Variants in TARDBP observed in about 807,000 individuals in gnomAD.
TARDBP encodes the protein TAR DNA binding protein.
Under a neutral mutation model 38.3 loss-of-function variants are expected in TARDBP, and 4 were observed. The observed-to-expected ratio is 0.10, with a 90% confidence interval of 0.05 to 0.24. The LOEUF (loss-of-function observed/expected upper bound fraction) is 0.24, where lower values mean the gene tolerates loss of function less well. Ranked by LOEUF, TARDBP falls within the 10% of genes least tolerant of loss-of-function variation. TARDBP has a pLI of 1.00. For missense variants in TARDBP, 202 were observed against 521.9 expected (o/e 0.39, Z 5.97); for synonymous variants, 184 against 183.8 (o/e 1.00, Z -0.01).
At chr1:11,017,443 C>T (rs1386958519) in intron 3 of TARDBP, among the ~76,000 whole-genome samples, 1 of 152,124 alleles carries the variant, frequency 6.6e-6, no homozygotes, top group African/African-American at 2.4e-5. Flanking sequence ...TCAAGTGATC[C>T]ACCTGCCTTG....
At chr1:11,016,543 G>C (rs557013652) in intron 2 of TARDBP, among the ~76,000 whole-genome samples, 1 of 152,324 alleles carries the variant, frequency 6.6e-6, no homozygotes, top group South Asian at 2.1e-4. Context: ...GATATTTAAA[G>C]TCAAAGTGAA....
downstream of TARDBP, among the ~76,000 whole-genome samples, chr1:11,028,814 T>C (rs1453924677): frequency 6.9e-6 from 1 of 145,092 alleles, no homozygotes. Context: ...CCCAGGTTCA[T>C]GCCATTCTCC....
chr1:11,027,913 A>G (rs1183741722), downstream of TARDBP, among the ~76,000 whole-genome samples: 1 of 152,200 alleles, frequency 6.6e-6, no homozygotes, highest in Non-Finnish European at 1.5e-5. Flanking sequence ...TTTTGCTAAA[A>G]TAATTTGGTC....
At chr1:11,016,735 A>C in intron 2 of TARDBP, 109 bp from the exon 3 acceptor site, 1 of 1,178,454 alleles carries the variant, frequency 8.5e-7, no homozygotes, top group Non-Finnish European at 1.2e-6. Context: ...TCAGTGTCTT[A>C]TTCTTCTTAG....
Position 11,018,881 on chromosome 1 carries a change from C to G in TARDBP, c.543+8C>G, listed in dbSNP as rs767985682. 4.3e-6 allele frequency: 7 copies of G among 1,613,838 alleles called. No homozygotes were observed. Among genetic ancestry groups the G allele is most frequent in the African/African-American group, 1.3e-5 (1 of 74,904 alleles). On this transcript the variant is annotated splice_region_variant and intron_variant, in intron 4 of 5. Transcript: ENST00000240185. ...AAACTTCCTAATTCTAAGGTACTTG[C>G]GTCTGTGCTTTGGGAATTTTTGCCA...
chr1:11,015,565 G>C (rs1183662310), intron 2 of TARDBP: 1 of 151,540 alleles, frequency 6.6e-6, no homozygotes, highest in African/African-American at 2.4e-5. Flanking sequence ...AGCTACTCGG[G>C]AGGCTGAGGC....
downstream of TARDBP, chr1:11,025,841 C>T (rs760075712): frequency 6.5e-6 from 1 of 154,730 alleles, no homozygotes; most frequent in African/African-American, 2.4e-5. Flanking sequence ...CTCCGTAATC[C>T]AAGAGATAAT....
chr1:11,019,866 CTTTTT>C (rs1288372949), intron 4 of TARDBP, among the ~76,000 whole-genome samples: 1 of 131,312 alleles, frequency 7.6e-6, no homozygotes, highest in Non-Finnish European at 1.6e-5. Context: ...GCACCTGGCC[CTTTTT>C]TTTTTTTTTT....
chr1:11,028,046 A>T (rs929906242), downstream of TARDBP, among the ~76,000 whole-genome samples: 2 of 152,062 alleles, frequency 1.3e-5, no homozygotes, highest in Non-Finnish European at 2.9e-5. Flanking sequence ...ACATGGTGAG[A>T]CCCTGTCTCT....
chr1:11,024,191 G>C lies in TARDBP; in HGVS notation c.*1537G>C, dbSNP rs1643689222. ...AAACTTATTTGAAAAGTTGTCTCAA[G>C]TCAAATGGATTCATCACCTGTCATG... On this transcript the variant is annotated 3_prime_UTR_variant, in exon 6 of 6. Coordinates refer to ENST00000240185, the MANE Select transcript of TARDBP (RefSeq NM_007375.4). 6.6e-6 allele frequency: 1 copy of C among 152,544 alleles called. No homozygotes were observed. Among genetic ancestry groups the C allele is most frequent in the Non-Finnish European group, 1.5e-5 (1 of 68,034 alleles). 9.4% of individuals were successfully genotyped at this position (152,544 alleles called of 1,614,324 possible).
chr1:11,016,732 C>G (rs2100844657), intron 2 of TARDBP, 112 bp from the exon 3 acceptor site: 1 of 1,147,792 alleles, frequency 8.7e-7, no homozygotes, highest in African/African-American at 1.5e-5. Context: ...TTTTCAGTGT[C>G]TTATTCTTCT....
rs938209582 is a variant in TARDBP at position 11,024,969 on chromosome 1, A to G, written c.*2315A>G. 1.3e-5 allele frequency: 2 copies of G among 152,636 alleles called. No individual in the cohort carries two copies. The highest frequency in any genetic ancestry group is 1.3e-4 in the Admixed American group (2 of 15,268). 9.5% of individuals were successfully genotyped at this position (152,636 alleles called of 1,614,324 possible). A position where few individuals can be genotyped will look rare whatever the true frequency, so the allele number is the denominator to read the frequency against. On this transcript the variant is annotated 3_prime_UTR_variant, in exon 6 of 6. Transcript: ENST00000240185. ...TACATAAACATTTATCAATGAAGTC[A>G]TCCTTTAGACTTGTAATCGCCACAT...
chr1:11,017,140 G>A (rs1445081006), intron 3 of TARDBP, 133 bp downstream of exon 3: 1 of 962,110 alleles, frequency 1.0e-6, no homozygotes, highest in African/African-American at 1.6e-5. Context: ...GGCCCATACT[G>A]TCCTCCTGCC....
chr1:11,020,748 TAC>T, intron 5 of TARDBP, 149 bp downstream of exon 5: 2 of 646,048 alleles, frequency 3.1e-6, no homozygotes, highest in Non-Finnish European at 4.9e-6. Context: ...TCTATTAAAA[TAC>T]AAAAAAAAAA....
downstream of TARDBP, chr1:11,027,540 G>T (rs913332645): frequency 1.2e-5 from 20 of 1,614,196 alleles, no homozygotes; most frequent in Non-Finnish European, 1.7e-5. Flanking sequence ...AAGTGCACCT[G>T]CTGCTGTGGT....
intron 2 of TARDBP, 85 bp downstream of exon 2, chr1:11,014,050 C>T (rs1643467612): frequency 7.5e-7 from 1 of 1,336,716 alleles, no homozygotes; most frequent in East Asian, 2.3e-5. Flanking sequence ...CTTTTGGTGG[C>T]AGAATGTCTC....
chr1:11,019,173 A>G (rs912116877), intron 4 of TARDBP: 1 of 404,742 alleles, frequency 2.5e-6, no homozygotes, highest in South Asian at 2.2e-5. Context: ...ATGTTAAAAC[A>G]TAAAGAGAAT....
chr1:11,023,122 T>C lies in TARDBP; in HGVS notation c.*468T>C. On this transcript the variant is annotated 3_prime_UTR_variant, in exon 6 of 6. Coordinates refer to ENST00000240185, the MANE Select transcript of TARDBP (RefSeq NM_007375.4). ...GGTGTCACAGTGTTTGGTTCTTTTG[T>C]TTTGTTTTTTAACACTTGTCTCCCC... 6.5e-7 allele frequency: 1 copy of C among 1,535,680 alleles called. No individual in the cohort carries two copies. Among genetic ancestry groups the C allele is most frequent in the South Asian group, 1.2e-5 (1 of 82,562 alleles).
At chr1:11,017,188 A>G (rs1000866233) in intron 3 of TARDBP, among the ~76,000 whole-genome samples, 181 bp downstream of exon 3, 6 of 146,722 alleles carry the variant, frequency 4.1e-5, no homozygotes, top group Non-Finnish European at 7.4e-5. Context: ...CCCAGCCACA[A>G]TCTTGTTACC....
Sources: allele counts gnomAD v4.1 joint callset (sites outside exome capture counted in the v4.1 genomes callset), GRCh38; gene constraint gnomAD v4.1.1; transcripts MANE v1.5; gene names NCBI Gene and HGNC (gene_info 2026-07-23, HGNC 2026-07-21).